CCSER1: variants seen among roughly 807,000 people sequenced by gnomAD.
CCSER1 encodes coiled-coil serine rich protein 1, also known as serine-rich coiled-coil domain-containing protein 1.
In CCSER1, 41 loss-of-function variants were observed where a neutral mutation model predicts 82.0. The observed-to-expected ratio is 0.50, with a 90% CI of 0.39 to 0.65. CCSER1 has a LOEUF of 0.65. Among genes scored for constraint, CCSER1 ranks in the 30% least tolerant of loss-of-function variants. CCSER1 has a pLI of 0.00. For synonymous variants in CCSER1, 414 were observed against 383.9 expected (o/e 1.08, Z -0.92); for missense variants, 1,119 against 1,064.2 (o/e 1.05, Z -0.72).
chr4:90,836,544 T>A (rs1761830944), intron 8 of CCSER1, among the ~76,000 whole-genome samples: 1 of 152,192 alleles, frequency 6.6e-6, no homozygotes, highest in African/African-American at 2.4e-5. Context: ...GTGAATTTAC[T>A]ATGAAAATAA....
intron 4 of CCSER1, among the ~76,000 whole-genome samples, chr4:90,459,917 A>T (rs1161263287): frequency 1.3e-5 from 2 of 152,230 alleles, no homozygotes; most frequent in African/African-American, 4.8e-5. Context: ...ATAATAAGAT[A>T]GGTAAGCTTA....
intron 1 of CCSER1, among the ~76,000 whole-genome samples, chr4:90,159,294 C>T (rs912385416): frequency 1.3e-5 from 2 of 152,178 alleles, no homozygotes; most frequent in African/African-American, 4.8e-5. Flanking sequence ...ATCTTCCCTC[C>T]TCAGCCTCCT....
At chr4:90,797,322 C>T (rs934107913) in intron 7 of CCSER1, among the ~76,000 whole-genome samples, 1 of 152,004 alleles carries the variant, frequency 6.6e-6, no homozygotes, top group Non-Finnish European at 1.5e-5. Context: ...TATCTGTTTT[C>T]CATTTGCTTG....
chr4:90,601,600 G>T (rs904758519), intron 5 of CCSER1, among the ~76,000 whole-genome samples: 5 of 148,308 alleles, frequency 3.4e-5, no homozygotes, highest in Admixed American at 6.7e-5. Context: ...GGTTTCATTT[G>T]CTCTTTTTGT....
At chr4:90,730,138 G>A (rs17017482) in intron 7 of CCSER1, among the ~76,000 whole-genome samples, 29,793 of 151,950 alleles carry the variant, frequency 0.2, 5,339 homozygotes, top group African/African-American at 0.48. Context: ...GAGTAGTTTC[G>A]ATTTATTTCA....
At chr4:90,310,046 A>C (rs1166606260) in intron 2 of CCSER1, among the ~76,000 whole-genome samples, 1 of 152,112 alleles carries the variant, frequency 6.6e-6, no homozygotes, top group Non-Finnish European at 1.5e-5. Flanking sequence ...AATTTGTATA[A>C]TTTAATACGA....
intron 9 of CCSER1, among the ~76,000 whole-genome samples, chr4:90,989,736 A>G (rs892179771): frequency 6.6e-6 from 1 of 151,768 alleles, no homozygotes; most frequent in Admixed American, 6.6e-5. Flanking sequence ...AGAGCTTCAG[A>G]TAGTACTGCA....
At chr4:91,448,524 TTAGA>T (rs1755696411) in intron 10 of CCSER1, among the ~76,000 whole-genome samples, 1 of 152,104 alleles carries the variant, frequency 6.6e-6, no homozygotes, top group African/African-American at 2.4e-5. Flanking sequence ...GTGTGTGGTC[TTAGA>T]TAGAGTTGCT....
At chr4:90,418,237 T>G (rs1481157570) in intron 4 of CCSER1, among the ~76,000 whole-genome samples, 1 of 152,090 alleles carries the variant, frequency 6.6e-6, no homozygotes, top group Non-Finnish European at 1.5e-5. Context: ...TATATATTTT[T>G]AAGAACTACT....
chr4:90,422,665 C>T (rs147006334), intron 4 of CCSER1, among the ~76,000 whole-genome samples: 5 of 151,910 alleles, frequency 3.3e-5, no homozygotes, highest in African/African-American at 4.8e-5. Flanking sequence ...AAACACCAAA[C>T]GAACAAACAA....
At chr4:91,057,695 A>G (rs561691770) in intron 9 of CCSER1, among the ~76,000 whole-genome samples, 4 of 152,128 alleles carry the variant, frequency 2.6e-5, no homozygotes, top group East Asian at 1.9e-4. Context: ...TCATAGAGCT[A>G]TTCCAAATTT....
At chr4:90,419,243 G>GT (rs1441911394) in intron 4 of CCSER1, among the ~76,000 whole-genome samples, 4 of 151,868 alleles carry the variant, frequency 2.6e-5, no homozygotes, top group African/African-American at 9.7e-5. Flanking sequence ...CTATTACTCT[G>GT]TATTTCTACT....
chr4:91,389,667 A>G (rs1751530859), intron 10 of CCSER1, among the ~76,000 whole-genome samples: 1 of 152,054 alleles, frequency 6.6e-6, no homozygotes, highest in Non-Finnish European at 1.5e-5. Context: ...AGTTCAGGTT[A>G]ATAATTGACA....
chr4:90,340,128 G>T (rs1386179111), intron 3 of CCSER1, among the ~76,000 whole-genome samples: 1 of 152,114 alleles, frequency 6.6e-6, no homozygotes, highest in East Asian at 1.9e-4. Context: ...ATGGTTTTCT[G>T]CCGTTGGAAT....
intron 1 of CCSER1, among the ~76,000 whole-genome samples, chr4:90,187,260 T>C (rs948345278): frequency 6.6e-6 from 1 of 151,904 alleles, no homozygotes; most frequent in Non-Finnish European, 1.5e-5. Context: ...CACTGCATCA[T>C]AGATTGGAGG....
intron 7 of CCSER1, among the ~76,000 whole-genome samples, chr4:90,789,830 A>C (rs1268322048): frequency 6.6e-6 from 1 of 152,058 alleles, no homozygotes; most frequent in African/African-American, 2.4e-5. Flanking sequence ...CCTAGTCTTG[A>C]GTATGTCTTT....
intron 1 of CCSER1, among the ~76,000 whole-genome samples, chr4:90,246,829 T>C (rs1460740101): frequency 6.6e-6 from 1 of 152,160 alleles, no homozygotes; most frequent in Non-Finnish European, 1.5e-5. Flanking sequence ...AAATATCTTA[T>C]TGTACTGTTG....
intron 6 of CCSER1, among the ~76,000 whole-genome samples, chr4:90,720,691 T>C (rs948587349): frequency 6.6e-6 from 1 of 151,968 alleles, no homozygotes; most frequent in Non-Finnish European, 1.5e-5. Flanking sequence ...AAGTGACAAA[T>C]AGTTTGTGAA....
chr4:91,425,815 A>T (rs1753936741), intron 10 of CCSER1, among the ~76,000 whole-genome samples: 1 of 152,194 alleles, frequency 6.6e-6, no homozygotes, highest in African/African-American at 2.4e-5. Flanking sequence ...CTACAACATT[A>T]TGTTTATAGT....
Sources: allele counts gnomAD v4.1 joint callset (sites outside exome capture counted in the v4.1 genomes callset), GRCh38; gene constraint gnomAD v4.1.1; transcripts MANE v1.5; gene names NCBI Gene and HGNC (gene_info 2026-07-23, HGNC 2026-07-21).